Variants in PSD3 observed in about 807,000 individuals in gnomAD.
The protein encoded by PSD3 is pleckstrin and Sec7 domain containing 3.
PSD3 carries 49 observed loss-of-function variants against 105.5 expected under a neutral mutation model. The ratio of observed to expected loss-of-function variants is 0.46; its 90% CI spans 0.37 to 0.59. The LOEUF (loss-of-function observed/expected upper bound fraction) is 0.59, where lower values mean the gene tolerates loss of function less well. PSD3 is among the 20% of genes least tolerant of loss of function. The probability of loss-of-function intolerance (pLI) is 0.00; values close to 1 mark genes in which losing one functional copy is unlikely to be tolerated. For synonymous variants in PSD3, 557 were observed against 457.8 expected (o/e 1.22, Z -2.77); for missense variants, 1,561 against 1,263.8 (o/e 1.24, Z -3.57).
At chr8:18,613,323 G>A (rs572695149) in intron 11 of PSD3, among the ~76,000 whole-genome samples, 1 of 152,190 alleles carries the variant, frequency 6.6e-6, no homozygotes, top group East Asian at 1.9e-4. Flanking sequence ...TGGGGCCTTG[G>A]GAAGTTTGCA....
chr8:18,939,715 G>T (rs532723188), intron 1 of PSD3, among the ~76,000 whole-genome samples: 1 of 152,202 alleles, frequency 6.6e-6, no homozygotes, highest in African/African-American at 2.4e-5. Flanking sequence ...CATTTAAAAT[G>T]CACTATTCTG....
At chr8:18,632,984 T>C (rs560794305) in intron 10 of PSD3, among the ~76,000 whole-genome samples, 178 bp from the exon 11 acceptor site, 63 of 152,166 alleles carry the variant, frequency 4.1e-4, no homozygotes, top group African/African-American at 1.4e-3. Context: ...GTGTTAATGA[T>C]CATGGCAATA....
At chr8:18,975,822 T>C (rs1049571545) in intron 1 of PSD3, among the ~76,000 whole-genome samples, 4 of 151,002 alleles carry the variant, frequency 2.6e-5, no homozygotes, top group Non-Finnish European at 5.9e-5. Context: ...TGCTAACTCA[T>C]AAAAAAAAAT....
At chr8:19,026,206 T>G (rs1213612930) in intron 1 of PSD3, among the ~76,000 whole-genome samples, 2 of 152,170 alleles carry the variant, frequency 1.3e-5, no homozygotes. Flanking sequence ...CAAGATGAGA[T>G]GAGGTTTGGG....
chr8:18,779,191 C>T (rs1324712685), intron 8 of PSD3, among the ~76,000 whole-genome samples: 2 of 152,148 alleles, frequency 1.3e-5, no homozygotes, highest in African/African-American at 4.8e-5. Flanking sequence ...GTAGTTTCCT[C>T]ATGTCCAGGA....
chr8:18,764,278 T>C (rs1272120861), intron 9 of PSD3, among the ~76,000 whole-genome samples: 1 of 152,150 alleles, frequency 6.6e-6, no homozygotes, highest in East Asian at 1.9e-4. Flanking sequence ...GTTAACACCA[T>C]ACGGATTCAA....
intron 8 of PSD3, among the ~76,000 whole-genome samples, chr8:18,795,180 T>C (rs1199256943): frequency 6.6e-6 from 1 of 152,188 alleles, no homozygotes; most frequent in Non-Finnish European, 1.5e-5. Context: ...GTACTAGATA[T>C]GGTTTCAACC....
chr8:19,030,263 G>A (rs1197526721), intron 1 of PSD3, among the ~76,000 whole-genome samples: 1 of 152,144 alleles, frequency 6.6e-6, no homozygotes, highest in African/African-American at 2.4e-5. Flanking sequence ...TAATTTTGGT[G>A]AATTACACGA....
intron 15 of PSD3, among the ~76,000 whole-genome samples, chr8:18,549,578 G>A (rs1044901220): frequency 1.3e-5 from 2 of 152,164 alleles, no homozygotes; most frequent in Admixed American, 6.6e-5. Flanking sequence ...TCCCACAAAT[G>A]TACTCTTGTC....
intron 2 of PSD3, among the ~76,000 whole-genome samples, chr8:18,901,202 G>A (rs911315745): frequency 6.6e-6 from 1 of 152,084 alleles, no homozygotes; most frequent in Non-Finnish European, 1.5e-5. Flanking sequence ...TGGTTTGTCT[G>A]CAAGTTTTCT....
At chr8:18,606,413 A>G (rs544966100) in intron 11 of PSD3, among the ~76,000 whole-genome samples, 1 of 152,268 alleles carries the variant, frequency 6.6e-6, no homozygotes, top group Admixed American at 6.5e-5. Flanking sequence ...GCCTAACAGG[A>G]TTTCCCTTTC....
intron 1 of PSD3, among the ~76,000 whole-genome samples, chr8:18,957,848 A>C (rs968549531): frequency 2.0e-5 from 3 of 152,206 alleles, no homozygotes; most frequent in Admixed American, 6.5e-5. Context: ...AGCATGACTG[A>C]GACTTCAAAT....
At chr8:18,790,448 T>G (rs1013472924) in intron 8 of PSD3, among the ~76,000 whole-genome samples, 2 of 151,330 alleles carry the variant, frequency 1.3e-5, no homozygotes, top group East Asian at 2.0e-4. Context: ...GACTACAGGC[T>G]CCCGCCACCA....
intron 2 of PSD3, among the ~76,000 whole-genome samples, chr8:18,906,671 G>A (rs1003325831): frequency 6.6e-6 from 1 of 152,000 alleles, no homozygotes; most frequent in African/African-American, 2.4e-5. Flanking sequence ...ATTGAACTAA[G>A]AAAAATTAGC....
chr8:18,694,125 T>A (rs1367705615), intron 9 of PSD3, among the ~76,000 whole-genome samples: 1 of 152,202 alleles, frequency 6.6e-6, no homozygotes, highest in African/African-American at 2.4e-5. Flanking sequence ...AAGAAGACAC[T>A]GGTACCTACT....
chr8:18,750,399 G>A (rs113519836), intron 9 of PSD3, among the ~76,000 whole-genome samples: 2 of 152,082 alleles, frequency 1.3e-5, no homozygotes, highest in African/African-American at 2.4e-5. Context: ...TTAAGGTAGC[G>A]CGTCTGGAGT....
chr8:18,765,741 C>A (rs73199978), intron 8 of PSD3, among the ~76,000 whole-genome samples: 4 of 151,748 alleles, frequency 2.6e-5, no homozygotes, highest in Non-Finnish European at 5.9e-5. Flanking sequence ...CCTGGCTAAC[C>A]GGGCTATGTT....
chr8:18,615,305 G>C (rs13279751), intron 11 of PSD3, among the ~76,000 whole-genome samples: 56,473 of 151,648 alleles, frequency 0.37, 10,727 homozygotes, highest in Middle Eastern at 0.51. Flanking sequence ...CTCACCCAGT[G>C]ACTCTCTTTA....
intron 1 of PSD3, among the ~76,000 whole-genome samples, chr8:19,062,821 G>T (rs1828949290): frequency 1.3e-5 from 2 of 152,150 alleles, no homozygotes; most frequent in Admixed American, 1.3e-4. Flanking sequence ...CTACAGACAT[G>T]TGATCACTCA....
Sources: allele counts gnomAD v4.1 joint callset (sites outside exome capture counted in the v4.1 genomes callset), GRCh38; gene constraint gnomAD v4.1.1; transcripts MANE v1.5; gene names NCBI Gene and HGNC (gene_info 2026-07-23, HGNC 2026-07-21).